ENOX1: variants seen among roughly 807,000 people sequenced by gnomAD.
The protein encoded by ENOX1 is candidate growth-related and time keeping constitutive hydroquinone (NADH) oxidase.
In ENOX1, 42 loss-of-function variants were observed where a neutral mutation model predicts 82.5. That is an observed-to-expected ratio of 0.51 (90% CI 0.40 to 0.66). The LOEUF (loss-of-function observed/expected upper bound fraction) is 0.66. ENOX1 is among the 30% of genes least tolerant of loss of function. The pLI is 0.00. For synonymous variants in ENOX1, 271 were observed against 282.2 expected, an observed-to-expected ratio of 0.96 and a Z score of 0.40; for missense variants, 608 against 811.6, an observed-to-expected ratio of 0.75 and a Z score of 3.05.
At chr13:43,421,993 G>GA (rs1054281670) in intron 3 of ENOX1, among the ~76,000 whole-genome samples, 47 of 143,678 alleles carry the variant, frequency 3.3e-4, no homozygotes, top group South Asian at 1.1e-3. Flanking sequence ...AAGGAACCAA[G>GA]AAAAAAAAAA....
chr13:43,700,033 T>C (rs2086831131), intron 1 of ENOX1, among the ~76,000 whole-genome samples: 1 of 152,204 alleles, frequency 6.6e-6, no homozygotes, highest in African/African-American at 2.4e-5. Flanking sequence ...AAACCCTTGA[T>C]ATTATTCCTT....
At chr13:43,775,792 C>A (rs1951884794) in intron 1 of ENOX1, among the ~76,000 whole-genome samples, 1 of 152,084 alleles carries the variant, frequency 6.6e-6, no homozygotes, top group South Asian at 2.1e-4. Context: ...AGACAGGGAG[C>A]CTGAAGAGTC....
chr13:43,665,147 C>A (rs2153787665), intron 2 of ENOX1, among the ~76,000 whole-genome samples: 1 of 152,288 alleles, frequency 6.6e-6, no homozygotes, highest in Admixed American at 6.5e-5. Context: ...TGCAGGGCTC[C>A]TAAAGATGCC....
chr13:43,484,940 A>C (rs1444437909), intron 2 of ENOX1, among the ~76,000 whole-genome samples: 1 of 152,198 alleles, frequency 6.6e-6, no homozygotes, highest in Non-Finnish European at 1.5e-5. Flanking sequence ...GTGGGATTAC[A>C]TGCAGCGCTA....
chr13:43,333,767 T>A (rs2048544154), intron 9 of ENOX1, among the ~76,000 whole-genome samples: 1 of 152,320 alleles, frequency 6.6e-6, no homozygotes, highest in Non-Finnish European at 1.5e-5. Context: ...GTATTACAGG[T>A]GCGCACCACC....
At chr13:43,307,264 T>G (rs1215921714) in intron 11 of ENOX1, among the ~76,000 whole-genome samples, 1 of 152,218 alleles carries the variant, frequency 6.6e-6, no homozygotes, top group Non-Finnish European at 1.5e-5. Context: ...TCTAAATGTA[T>G]AACCAAGGTG....
At chr13:43,269,715 T>C (rs574691690) in intron 12 of ENOX1, 138 bp from the exon 13 acceptor site, 2 of 678,048 alleles carry the variant, frequency 2.9e-6, no homozygotes, top group Non-Finnish European at 5.2e-6. Flanking sequence ...GTTGACCTTG[T>C]GTGTTTTCCG....
At chr13:43,730,801 C>T (rs558400605) in intron 1 of ENOX1, among the ~76,000 whole-genome samples, 3 of 152,312 alleles carry the variant, frequency 2.0e-5, no homozygotes, top group East Asian at 1.9e-4. Context: ...AGCTTCTGAC[C>T]TGTGTGTTTT....
chr13:43,610,015 T>C, intron 2 of ENOX1: 2 of 402,226 alleles, frequency 5.0e-6, no homozygotes, highest in Non-Finnish European at 6.7e-6. Context: ...TTTTGAAATT[T>C]TGCACCTTCT....
rs569592284 is a variant in ENOX1 at position 43,774,397 on chromosome 13, A to G, written c.-285+12255T>C. Among the ~76,000 whole-genome samples, 3 of 152,368 alleles carry G rather than the reference A, an allele frequency of 2.0e-5. No homozygotes were observed. The East Asian group carries it at 5.8e-4, about 29-fold the overall frequency. On this transcript the variant is annotated intron_variant, in intron 1 of 16. Transcript: ENST00000690772. Reference sequence around the variant, plus strand: ...AGATAAAGAAAACGGAAAATGGAGAAGAAACTCACATAAAGGCAGGCATAA... The same window carrying G: ...AGATAAAGAAAACGGAAAATGGAGAGGAAACTCACATAAAGGCAGGCATAA...
At chr13:43,642,925 G>A (rs781606742) in intron 2 of ENOX1, among the ~76,000 whole-genome samples, 1 of 152,076 alleles carries the variant, frequency 6.6e-6, no homozygotes, top group Non-Finnish European at 1.5e-5. Flanking sequence ...ATTAATATTT[G>A]TGTCCATGAT....
At chr13:43,720,476 G>C (rs1458559730) in intron 1 of ENOX1, among the ~76,000 whole-genome samples, 1 of 152,110 alleles carries the variant, frequency 6.6e-6, no homozygotes, top group Non-Finnish European at 1.5e-5. Flanking sequence ...CTCAATTATA[G>C]CTCAGCTTCC....
At chr13:43,601,463 G>A (rs985113032) in intron 2 of ENOX1, among the ~76,000 whole-genome samples, 2 of 151,632 alleles carry the variant, frequency 1.3e-5, no homozygotes, top group African/African-American at 4.9e-5. Context: ...AGTGACCTTG[G>A]AGACAGACTT....
chr13:43,723,123 A>C (rs2088688684), intron 1 of ENOX1, among the ~76,000 whole-genome samples: 1 of 152,186 alleles, frequency 6.6e-6, no homozygotes. Context: ...CTGAACACAG[A>C]TCTTAGGCCC....
chr13:43,218,448 G>C (rs2041605889), intron 16 of ENOX1, among the ~76,000 whole-genome samples: 1 of 152,130 alleles, frequency 6.6e-6, no homozygotes, highest in Non-Finnish European at 1.5e-5. Flanking sequence ...GCAACATAGA[G>C]AGACCCAATC....
In ENOX1 at chr13:43,719,343, A is replaced by ACACACACACACC. The variant is rs1215069179; in HGVS notation, c.-284-51800_-284-51799insGGTGTGTGTGTG. 4.0e-5 allele frequency among the ~76,000 whole-genome samples: 6 copies of ACACACACACACC among 149,026 alleles called. No individual in the cohort carries two copies. In the East Asian group the frequency reaches 9.8e-4, roughly 24 times the overall value. On this transcript the variant is annotated intron_variant, in intron 1 of 16. Coordinates refer to ENST00000690772, the MANE Select transcript of ENOX1 (RefSeq NM_001347969.2). ...CACACACACACACACACACACACAC[A>ACACACACACACC]CACACCAGCAATCGCACATTCAAGG...
At position 43,456,230 on chromosome 13, in the gene ENOX1, C is replaced by T. The variant is rs111935988; in HGVS notation, c.-75+27779G>A. Among the ~76,000 whole-genome samples, 197 of 152,088 alleles carry T rather than the reference C, an allele frequency of 1.3e-3. 1 individual carries two copies. The highest frequency in any genetic ancestry group is 4.4e-3 in the African/African-American group (184 of 41,522). On this transcript the variant is annotated intron_variant, in intron 3 of 16. Transcript: ENST00000690772. ...CTATATCTTCTCTGAGCTCCTTTAGCCCCTTTCTCTGTTTTGATCTCTATA... is the reference window on the plus strand; with the variant it reads ...CTATATCTTCTCTGAGCTCCTTTAGTCCCTTTCTCTGTTTTGATCTCTATA...
chr13:43,412,162 A>G (rs1392103716), intron 4 of ENOX1, 109 bp from the exon 5 acceptor site: 4 of 1,253,130 alleles, frequency 3.2e-6, no homozygotes, highest in South Asian at 1.5e-5. Context: ...TTCCCAAACT[A>G]CAAAAAAAAA....
At chr13:43,298,677 C>T in intron 11 of ENOX1, 147 bp from the exon 12 acceptor site, 1 of 630,298 alleles carries the variant, frequency 1.6e-6, no homozygotes, top group Non-Finnish European at 2.6e-6. Flanking sequence ...CTGGGCCTCT[C>T]TTTTGTAGTC....
Sources: allele counts gnomAD v4.1 joint callset (sites outside exome capture counted in the v4.1 genomes callset), GRCh38; gene constraint gnomAD v4.1.1; transcripts MANE v1.5; gene names NCBI Gene and HGNC (gene_info 2026-07-23, HGNC 2026-07-21).